The following PRKCQ variants were observed in gnomAD, a reference collection of about 807,000 sequenced individuals.
The protein encoded by PRKCQ is protein kinase C theta.
A neutral mutation model predicts 91.2 loss-of-function variants in PRKCQ; 41 were observed. The observed-to-expected ratio is 0.45, with a 90% CI of 0.35 to 0.58. The LOEUF (loss-of-function observed/expected upper bound fraction) is 0.58. Among genes scored for constraint, PRKCQ ranks in the 20% least tolerant of loss-of-function variants. The probability of loss-of-function intolerance (pLI) is 0.00; values close to 1 mark genes in which losing one functional copy is unlikely to be tolerated. For synonymous variants in PRKCQ, 307 were observed against 316.9 expected, an observed-to-expected ratio of 0.97 and a Z score of 0.33; for missense variants, 673 against 896.5, an observed-to-expected ratio of 0.75 and a Z score of 3.18.
the PRKCQ span, among the ~76,000 whole-genome samples, chr10:6,397,651 G>A: frequency 3.3e-5 from 5 of 152,134 alleles, no homozygotes; most frequent in Non-Finnish European, 7.4e-5. Context: ...CTGGCTGGGT[G>A]CGGTGGCTCA....
chr10:6,471,405 G>C (rs1014310860), intron 12 of PRKCQ, among the ~76,000 whole-genome samples: 2 of 152,212 alleles, frequency 1.3e-5, no homozygotes, highest in African/African-American at 2.4e-5. Context: ...TAGTGTATCT[G>C]AGCGTGATTT....
chr10:6,536,900 C>T (rs1588396633), intron 1 of PRKCQ, among the ~76,000 whole-genome samples: 1 of 152,210 alleles, frequency 6.6e-6, no homozygotes, highest in South Asian at 2.1e-4. Flanking sequence ...AGGCTGGAGG[C>T]ACCACCTTCC....
At chr10:6,538,404 C>CAG (rs1329688276) in intron 1 of PRKCQ, among the ~76,000 whole-genome samples, 1 of 152,222 alleles carries the variant, frequency 6.6e-6, no homozygotes, top group East Asian at 1.9e-4. Context: ...GACCTCTTAG[C>CAG]AGAGAGAGAG....
chr10:6,484,374 A>G (rs1836784985), intron 10 of PRKCQ, among the ~76,000 whole-genome samples: 1 of 152,124 alleles, frequency 6.6e-6, no homozygotes, highest in South Asian at 2.1e-4. Context: ...AGATTGTGCC[A>G]CTGCATTGTA....
the PRKCQ span, among the ~76,000 whole-genome samples, chr10:6,413,018 T>A: frequency 2.0e-5 from 3 of 152,218 alleles, no homozygotes; most frequent in Non-Finnish European, 4.4e-5. Context: ...AGTGGCTCCA[T>A]CTCGGCTCAC....
intron 1 of PRKCQ, among the ~76,000 whole-genome samples, chr10:6,553,496 A>AT (rs1311349523): frequency 3.2e-5 from 4 of 126,762 alleles, no homozygotes; most frequent in South Asian, 2.5e-4. Context: ...TCTCAAAAAA[A>AT]AAAAAAAAAA....
rs868068112 is a variant in PRKCQ at position 6,450,683 on chromosome 10, T to A, written c.1647+5991A>T. Among the ~76,000 whole-genome samples, 1,066 of 151,994 alleles carry A rather than the reference T, an allele frequency of 7.0e-3. 8 individuals are homozygous for A. The highest frequency in any genetic ancestry group is 0.012 in the Non-Finnish European group (819 of 67,920). Reference sequence around the variant, plus strand: ...TTGACCACATAGTTGGAAGTAAAGCTCTCCTCAGCAAATGTAAAAGAACAG... The same window carrying A: ...TTGACCACATAGTTGGAAGTAAAGCACTCCTCAGCAAATGTAAAAGAACAG... On this transcript the variant is annotated intron_variant, in intron 15 of 17. Transcript: ENST00000263125.
At chr10:6,402,658 G>A in the PRKCQ span, among the ~76,000 whole-genome samples, 8 of 152,324 alleles carry the variant, frequency 5.3e-5, no homozygotes, top group South Asian at 1.4e-3. Context: ...ATTAAGGGCC[G>A]GGCAGGGTGG....
intron 1 of PRKCQ, among the ~76,000 whole-genome samples, chr10:6,575,832 G>A (rs1237178762): frequency 1.3e-5 from 2 of 152,224 alleles, no homozygotes; most frequent in African/African-American, 4.8e-5. Flanking sequence ...ATGAGGTCAA[G>A]AGATCGAGAC....
intron 16 of PRKCQ, among the ~76,000 whole-genome samples, chr10:6,439,214 G>A (rs1391672382): frequency 2.0e-5 from 3 of 152,188 alleles, no homozygotes; most frequent in Non-Finnish European, 4.4e-5. Flanking sequence ...GTTTCCACCT[G>A]TAATACTGTG....
chr10:6,404,860 TCTTC>T, the PRKCQ span, among the ~76,000 whole-genome samples: 1 of 148,064 alleles, frequency 6.8e-6, no homozygotes, highest in African/African-American at 2.5e-5. Flanking sequence ...TCTTTCTTTC[TCTTC>T]CTTCCTTTCT....
intron 4 of PRKCQ, among the ~76,000 whole-genome samples, chr10:6,506,536 ATAT>A (rs765084262): frequency 4.9e-4 from 74 of 152,318 alleles, no homozygotes; most frequent in Middle Eastern, 3.4e-3. Flanking sequence ...CATAACCGCA[ATAT>A]TATTATCACA....
chr10:6,448,772 T>C (rs1834471222), intron 15 of PRKCQ, among the ~76,000 whole-genome samples: 1 of 152,098 alleles, frequency 6.6e-6, no homozygotes, highest in Non-Finnish European at 1.5e-5. Context: ...ATTTTTGTAG[T>C]ATTAATAAAT....
At chr10:6,547,093 T>C (rs1310307452) in intron 1 of PRKCQ, among the ~76,000 whole-genome samples, 6 of 152,150 alleles carry the variant, frequency 3.9e-5, no homozygotes, top group African/African-American at 7.2e-5. Context: ...CACTTGATCA[T>C]GGTGGATAAG....
intron 1 of PRKCQ, among the ~76,000 whole-genome samples, chr10:6,553,517 ACAAACAAACAAAAG>A (rs1444384214): frequency 1.4e-5 from 2 of 145,124 alleles, no homozygotes; most frequent in African/African-American, 5.6e-5. Context: ...AAAAAAAAAA[ACAAACAAACAAAAG>A]AAGAAGAAGA....
chr10:6,496,430 T>A (rs576875752), intron 7 of PRKCQ, among the ~76,000 whole-genome samples: 1 of 152,178 alleles, frequency 6.6e-6, no homozygotes, highest in Non-Finnish European at 1.5e-5. Flanking sequence ...CATAAAATTA[T>A]GCCTCTGTTA....
At chr10:6,452,873 G>C (rs202188328) in intron 15 of PRKCQ, among the ~76,000 whole-genome samples, 9,076 of 122,900 alleles carry the variant, frequency 0.074, 582 homozygotes, top group East Asian at 0.42. Context: ...TAGCCATATG[G>C]AGAAAGCTGA....
chr10:6,552,777 C>G (rs1250343346), intron 1 of PRKCQ, among the ~76,000 whole-genome samples: 1 of 152,066 alleles, frequency 6.6e-6, no homozygotes, highest in African/African-American at 2.4e-5. Context: ...AAACTTTTTA[C>G]TCTAAGAATT....
chr10:6,407,063 CT>C, the PRKCQ span, among the ~76,000 whole-genome samples: 4 of 152,184 alleles, frequency 2.6e-5, no homozygotes, highest in African/African-American at 9.7e-5. The surrounding 1 kb of genome is among the most constrained non-coding windows in gnomAD (Gnocchi z 4.0). Flanking sequence ...CATCATTTTT[CT>C]AATTTCACAA....
Sources: allele counts gnomAD v4.1 joint callset (sites outside exome capture counted in the v4.1 genomes callset), GRCh38; gene constraint gnomAD v4.1.1; non-coding constraint Gnocchi (gnomAD v3.1); transcripts MANE v1.5; gene names NCBI Gene and HGNC (gene_info 2026-07-23, HGNC 2026-07-21).